Variants in ZFHX3 observed in about 807,000 individuals in gnomAD.
ZFHX3 encodes the protein zinc finger homeobox protein 3.
ZFHX3 carries 42 observed loss-of-function variants against 279.1 expected under a neutral mutation model. The ratio of observed to expected loss-of-function variants is 0.15; its 90% CI spans 0.12 to 0.19. The LOEUF (loss-of-function observed/expected upper bound fraction) is 0.19. Ranked by LOEUF, ZFHX3 falls within the 10% of genes least tolerant of loss-of-function variation. The pLI, the probability that ZFHX3 is intolerant of heterozygous loss-of-function variation, is 1.00. For missense variants in ZFHX3, 4,981 were observed against 4,754.0 expected (o/e 1.05, Z -1.40); for synonymous variants, 2,293 against 1,957.8 (o/e 1.17, Z -4.52).
intron 2 of ZFHX3, among the ~76,000 whole-genome samples, chr16:73,587,237 C>T (rs541336802): frequency 2.0e-5 from 3 of 152,112 alleles, no homozygotes; most frequent in Non-Finnish European, 4.4e-5. Context: ...GCCTTAACAT[C>T]GGCAATAGGG....
intron 1 of ZFHX3, among the ~76,000 whole-genome samples, chr16:73,728,016 C>A (rs5817869): frequency 0.088 from 362 of 4,130 alleles, 8 homozygotes; most frequent in African/African-American, 0.16. Flanking sequence ...CCGAATTGTG[C>A]CCCCCCCCCG....
intron 2 of ZFHX3, among the ~76,000 whole-genome samples, chr16:73,546,752 C>CTTT (rs1297275321): frequency 8.0e-6 from 1 of 125,044 alleles, no homozygotes; most frequent in African/African-American, 2.9e-5. Flanking sequence ...TCTTTTTCGG[C>CTTT]TTCTTCTTCT....
chr16:73,594,731 A>G lies in ZFHX3; in HGVS notation c.-1547+85449T>C, dbSNP rs376638009. Among the ~76,000 whole-genome samples, 4 of 152,214 alleles carry G rather than the reference A, an allele frequency of 2.6e-5. No homozygotes were observed. The East Asian group carries it at 5.8e-4, about 22-fold the overall frequency. On this transcript the variant is annotated intron_variant, in intron 2 of 17. Transcript: ENST00000641206. ...ACCACTGGCCGCCCACAAGCCTAACATTGGCATGCGATATTTTATCGTGTA... is the reference window on the plus strand; with the variant it reads ...ACCACTGGCCGCCCACAAGCCTAACGTTGGCATGCGATATTTTATCGTGTA...
At chr16:73,078,473 C>T (rs1326430189) in intron 8 of ZFHX3, among the ~76,000 whole-genome samples, 2 of 152,098 alleles carry the variant, frequency 1.3e-5, no homozygotes, top group African/African-American at 2.4e-5. Context: ...AAAATCCACA[C>T]TATCCTTCAC....
rs751440593 is a variant in ZFHX3 at position 72,796,002 on chromosome 16, C to A, written c.6680G>T (p.Arg2227Leu). The A allele has an allele frequency of 6.2e-7, 1 of 1,614,068 alleles. No individual in the cohort carries two copies. Among genetic ancestry groups the A allele is most frequent in the Non-Finnish European group, 8.5e-7 (1 of 1,180,024 alleles). ...CTTTGGAGGTTCCGGCGAAGGGGGC[C>A]GGGAGTCAATCTTGAGCTCCTCCAG... is the stretch of plus-strand genomic sequence containing the variant. Reference protein sequence around the residue: ...TSLEELKIDSRPPSPEPPKQE... With the variant: ...TSLEELKIDSLPPSPEPPKQE... The change falls in exon 9 of 10, where the codon CGG becomes CTG. Residue 2227 changes from arginine to leucine, a missense_variant. Arg to Leu is a moderately radical substitution (Grantham distance 102). Around this residue, in one of 7 missense-constraint regions of ZFHX3, gnomAD observed 177 missense variants for 244.2 expected, o/e 0.72. Coordinates refer to ENST00000268489, the MANE Select transcript of ZFHX3 (RefSeq NM_006885.4).
intron 2 of ZFHX3, among the ~76,000 whole-genome samples, chr16:73,550,463 C>T (rs568062684): frequency 6.6e-6 from 1 of 152,258 alleles, no homozygotes; most frequent in Admixed American, 6.5e-5. Context: ...TCCCTGTGGC[C>T]AGGTCCTCTA....
intron 1 of ZFHX3, among the ~76,000 whole-genome samples, chr16:73,688,396 C>A (rs1366746623): frequency 6.6e-6 from 1 of 150,948 alleles, no homozygotes; most frequent in African/African-American, 2.4e-5. Context: ...AAATTTAATC[C>A]CCATGCAAGT....
Position 72,862,834 on chromosome 16 carries a change from A to C in ZFHX3, c.3448+26897T>G, listed in dbSNP as rs8050587. On this transcript the variant is annotated intron_variant, in intron 4 of 9. Coordinates refer to ENST00000268489, the MANE Select transcript of ZFHX3 (RefSeq NM_006885.4). Reference sequence around the variant, plus strand: ...GTTTCTTCAACCAAAATTGCAAGGAAGGAAAAAAAAAAGTTAGAAGAGGAA... The same window carrying C: ...GTTTCTTCAACCAAAATTGCAAGGACGGAAAAAAAAAAGTTAGAAGAGGAA... Among the ~76,000 whole-genome samples, 3 of 144,300 alleles carry C rather than the reference A, an allele frequency of 2.1e-5. No homozygotes were observed. The East Asian group carries it at 6.3e-4, about 30-fold the overall frequency. The allele number at this position is 144,300 out of a possible 152,430, so 94.7% of individuals were successfully genotyped here.
chr16:73,869,043 C>T (rs996933838), intron 1 of ZFHX3, among the ~76,000 whole-genome samples: 4 of 152,170 alleles, frequency 2.6e-5, no homozygotes, highest in Admixed American at 2.0e-4. Context: ...CCAGTGAGTG[C>T]TCTGGCGGGA....
chr16:73,203,948 T>G (rs1390220187), intron 5 of ZFHX3, among the ~76,000 whole-genome samples: 1 of 152,228 alleles, frequency 6.6e-6, no homozygotes, highest in Non-Finnish European at 1.5e-5. Context: ...CATCAATTGC[T>G]GTCTGCCTGC....
intron 1 of ZFHX3, among the ~76,000 whole-genome samples, chr16:73,720,628 T>C (rs906551993): frequency 6.6e-6 from 1 of 152,172 alleles, no homozygotes; most frequent in Non-Finnish European, 1.5e-5. Context: ...ACTCTATGGA[T>C]ATATTGGAAA....
At chr16:73,092,739 C>A in intron 8 of ZFHX3, 1 of 346,268 alleles carries the variant, frequency 2.9e-6, no homozygotes, top group Admixed American at 4.0e-5. Context: ...ATATGGGCTT[C>A]ATGAGGCTAA....
In ZFHX3 at chr16:72,795,109, G is replaced by T; in HGVS notation, c.7573C>A (p.Pro2525Thr). Reference protein sequence around the residue: ...STPQQLANLPPQLIPYQCDQC... With the variant: ...STPQQLANLPTQLIPYQCDQC... ...TCACACTGGTAGGGGATTAGCTGAG[G>T]AGGTAGGTTTGCGAGCTGTTGAGGA... is the stretch of plus-strand genomic sequence containing the variant. Residue 2525 changes from proline (P) to threonine (T), a missense_variant, in exon 9 of 10, where the codon CCT (proline) becomes ACT (threonine). By Grantham distance (38) the Pro-to-Thr change is conservative. Around this residue, in one of 7 missense-constraint regions of ZFHX3, gnomAD observed 744 missense variants for 701.3 expected, o/e 1.06. Coordinates refer to ENST00000268489, the MANE Select transcript of ZFHX3 (RefSeq NM_006885.4). 6.2e-7 allele frequency: 1 copy of T among 1,614,126 alleles called. No homozygotes were observed. The highest frequency in any genetic ancestry group is 8.5e-7 in the Non-Finnish European group (1 of 1,180,030).
At position 73,551,376 on chromosome 16, in the gene ZFHX3, T is replaced by C. The variant is rs565445057; in HGVS notation, c.-1546-95118A>G. On this transcript the variant is annotated intron_variant, in intron 2 of 17. Transcript: ENST00000641206. Reference sequence around the variant, plus strand: ...AAAAGTACAAATGAGCTAACTAATATGACCAAATTATGCATCTGTTTTGTC... The same window carrying C: ...AAAAGTACAAATGAGCTAACTAATACGACCAAATTATGCATCTGTTTTGTC... Among the ~76,000 whole-genome samples the C allele has an allele frequency of 2.6e-5, 4 of 152,328 alleles. No homozygotes were observed. In the East Asian group the frequency reaches 5.8e-4, roughly 22 times the overall value.
rs189432840 is a variant in ZFHX3 at position 73,473,437 on chromosome 16, C to T, written c.-1546-17179G>A. On this transcript the variant is annotated intron_variant, in intron 2 of 17. Coordinates refer to the ZFHX3 transcript ENST00000641206. ...CATTCCATTTGAATGGGAGGGGAGG[C>T]GAAAATAAGGTAGGAGACATATGAG... 3.6e-3 allele frequency among the ~76,000 whole-genome samples: 536 copies of T among 149,936 alleles called. 3 individuals carry two copies. Among genetic ancestry groups the T allele is most frequent in the African/African-American group, 0.012 (499 of 40,378 alleles).
At chr16:72,929,213 G>C (rs966826178) in intron 3 of ZFHX3, among the ~76,000 whole-genome samples, 2 of 151,292 alleles carry the variant, frequency 1.3e-5, no homozygotes, top group African/African-American at 4.9e-5. Flanking sequence ...ACTCCAGCCT[G>C]GGCGACAGAG....
At chr16:72,892,510 G>GC (rs2038797130) in intron 3 of ZFHX3, among the ~76,000 whole-genome samples, 1 of 142,532 alleles carries the variant, frequency 7.0e-6, no homozygotes, top group African/African-American at 2.6e-5. Flanking sequence ...TTATTTATTG[G>GC]TTTTTTTTTT....
In ZFHX3 at chr16:73,725,633, A is replaced by G. The variant is rs182702520; in HGVS notation, c.-1607-45393T>C. Among the ~76,000 whole-genome samples, 104 of 152,168 alleles carry G rather than the reference A, an allele frequency of 6.8e-4. No homozygotes were observed. The South Asian group carries it at 8.5e-3, about 12-fold the overall frequency. On this transcript the variant is annotated intron_variant, in intron 1 of 17. Coordinates refer to the ZFHX3 transcript ENST00000641206. ...TGCTTAGGGCCTGGGATAAGAGAAC[A>G]AAATGGTAAAGCATTGAGGAGCTAC... is the stretch of plus-strand genomic sequence containing the variant.
chr16:73,031,236 T>C (rs1329606641), intron 1 of ZFHX3, among the ~76,000 whole-genome samples: 1 of 152,078 alleles, frequency 6.6e-6, no homozygotes, highest in Non-Finnish European at 1.5e-5. Context: ...CGTTTGAAAA[T>C]GTTTTGAAAT....
Sources: gnomAD v4.1 joint callset for allele counts (sites outside exome capture counted in the v4.1 genomes callset) on GRCh38, gnomAD v4.1.1 for gene constraint, gnomAD v4.1.1 regional missense constraint, MANE v1.5 for transcripts, NCBI Gene and HGNC (gene_info 2026-07-23, HGNC 2026-07-21) for gene names.